Variants in GATAD2B observed in about 807,000 individuals in gnomAD.
GATAD2B encodes the protein transcriptional repressor p66-beta.
GATAD2B carries 8 observed loss-of-function variants against 64.3 expected under a neutral mutation model. That is an observed-to-expected ratio of 0.12 (90% confidence interval 0.07 to 0.22). GATAD2B has a LOEUF of 0.22. Among genes scored for constraint, GATAD2B ranks in the 10% least tolerant of loss-of-function variants. The pLI is 1.00. For synonymous variants in GATAD2B, 281 were observed against 271.3 expected (o/e 1.04, Z -0.35); for missense variants, 453 against 752.0 (o/e 0.60, Z 4.65).
chr1:153,832,325 C>T (rs1675107422), intron 1 of GATAD2B, among the ~76,000 whole-genome samples: 2 of 152,234 alleles, frequency 1.3e-5, no homozygotes, highest in South Asian at 2.1e-4. Flanking sequence ...AAAGGCCTTA[C>T]TGGCAATATG....
intron 1 of GATAD2B, among the ~76,000 whole-genome samples, chr1:153,856,993 C>A (rs942521064): frequency 2.7e-4 from 41 of 152,072 alleles, no homozygotes; most frequent in African/African-American, 9.2e-4. Flanking sequence ...TTATGTTAAT[C>A]ATCACAGCCC....
At chr1:153,850,480 A>G (rs980764452) in intron 1 of GATAD2B, among the ~76,000 whole-genome samples, 14 of 152,018 alleles carry the variant, frequency 9.2e-5, no homozygotes, top group Non-Finnish European at 1.9e-4. Context: ...TTGTATTTTC[A>G]GTAGAGACCA....
chr1:153,812,014 T>A lies in GATAD2B; in HGVS notation c.1530+8A>T. ...AAAGAAATCAGGATCAGGCAAAAAGTTCCTTACCTGCCGAAGCGTATGATG... is the reference window on the plus strand; with the variant it reads ...AAAGAAATCAGGATCAGGCAAAAAGATCCTTACCTGCCGAAGCGTATGATG... On this transcript the variant is annotated splice_region_variant and intron_variant, in intron 9 of 10. Coordinates refer to ENST00000368655, the MANE Select transcript of GATAD2B (RefSeq NM_020699.4). 2 of 1,549,542 alleles carry A rather than the reference T, an allele frequency of 1.3e-6. No individual in the cohort carries two copies. Among genetic ancestry groups the A allele is most frequent in the Non-Finnish European group, 1.8e-6 (2 of 1,122,424 alleles).
chr1:153,808,062 A>T lies in GATAD2B; in HGVS notation c.*2115T>A, dbSNP rs942714419. The stretch of plus-strand genomic sequence containing the variant: ...AGAAAAGATGTAAGAATATATCTTT[A>T]TATATATATATATAATTTTAAAATA... On this transcript the variant is annotated 3_prime_UTR_variant, in exon 11 of 11. Coordinates refer to ENST00000368655, the MANE Select transcript of GATAD2B (RefSeq NM_020699.4). The T allele has an allele frequency of 6.6e-6, 1 of 150,884 alleles. No homozygotes were observed. The highest frequency in any genetic ancestry group is 2.4e-5 in the African/African-American group (1 of 41,148). 9.3% of individuals were successfully genotyped at this position (150,884 alleles called of 1,614,324 possible).
chr1:153,828,827 T>A (rs1253859601), intron 1 of GATAD2B, among the ~76,000 whole-genome samples: 1 of 152,204 alleles, frequency 6.6e-6, no homozygotes, highest in Non-Finnish European at 1.5e-5. Context: ...ACTATTTTTT[T>A]CTTTACTCAT....
At position 153,817,558 on chromosome 1, in the gene GATAD2B, A is replaced by T; in HGVS notation, c.730-16T>A. 6.4e-7 allele frequency: 1 copy of T among 1,569,510 alleles called. No individual in the cohort carries two copies. Reference sequence around the variant, plus strand: ...CACTGTGACCCTGGAGGGGAAGAAGAGGAAAAGAACTAATCACAGGTTGTA... The same window carrying T: ...CACTGTGACCCTGGAGGGGAAGAAGTGGAAAAGAACTAATCACAGGTTGTA... On this transcript the variant is annotated splice_polypyrimidine_tract_variant and intron_variant, in intron 5 of 10. Coordinates refer to ENST00000368655, the MANE Select transcript of GATAD2B (RefSeq NM_020699.4).
intron 2 of GATAD2B, among the ~76,000 whole-genome samples, chr1:153,822,974 G>C (rs1335299614): frequency 6.6e-6 from 1 of 151,972 alleles, no homozygotes; most frequent in Non-Finnish European, 1.5e-5. Context: ...TTGTAGAGAA[G>C]GGGTCTCCTT....
At chr1:153,892,375 T>C (rs1199224035) in intron 1 of GATAD2B, among the ~76,000 whole-genome samples, 1 of 151,882 alleles carries the variant, frequency 6.6e-6, no homozygotes, top group Non-Finnish European at 1.5e-5. Context: ...TGACCAAATA[T>C]TAAACATACT....
chr1:153,819,266 A>C (rs976043614), intron 3 of GATAD2B, among the ~76,000 whole-genome samples: 5 of 152,276 alleles, frequency 3.3e-5, no homozygotes, highest in Non-Finnish European at 7.3e-5. Context: ...AAAACTTAGG[A>C]ATCCCTTCAT....
At chr1:153,851,082 C>T (rs896295002) in intron 1 of GATAD2B, among the ~76,000 whole-genome samples, 32 of 152,190 alleles carry the variant, frequency 2.1e-4, no homozygotes, top group African/African-American at 7.7e-4. Context: ...ATTAATTTTA[C>T]ATACATTGTT....
intron 1 of GATAD2B, among the ~76,000 whole-genome samples, chr1:153,868,505 TAGG>T (rs1676552430): frequency 6.6e-6 from 1 of 151,916 alleles, no homozygotes; most frequent in South Asian, 2.1e-4. Context: ...CACAGGAAGG[TAGG>T]AGTTCTTTTT....
At chr1:153,911,443 A>G (rs1403093455) in intron 1 of GATAD2B, among the ~76,000 whole-genome samples, 1 of 152,202 alleles carries the variant, frequency 6.6e-6, no homozygotes, top group Non-Finnish European at 1.5e-5. Flanking sequence ...TTAAAAATGC[A>G]CAACTTCCGG....
chr1:153,919,788 TG>T (rs1678373380), intron 1 of GATAD2B, among the ~76,000 whole-genome samples: 1 of 152,222 alleles, frequency 6.6e-6, no homozygotes, highest in African/African-American at 2.4e-5. Flanking sequence ...ACAGTCAATC[TG>T]GGTGTGTGTC....
chr1:153,843,399 AC>A (rs1388400625), intron 1 of GATAD2B, among the ~76,000 whole-genome samples: 1 of 151,576 alleles, frequency 6.6e-6, no homozygotes, highest in East Asian at 1.9e-4. Context: ...GCCTCATTGC[AC>A]CCTCCTACCT....
intron 1 of GATAD2B, among the ~76,000 whole-genome samples, chr1:153,892,853 C>A (rs1677461787): frequency 6.6e-6 from 1 of 151,894 alleles, no homozygotes; most frequent in African/African-American, 2.4e-5. Flanking sequence ...TGCCACCACG[C>A]CTGGCTAATT....
chr1:153,826,002 CTGACT>C (rs1210366401), intron 2 of GATAD2B, among the ~76,000 whole-genome samples: 1 of 119,040 alleles, frequency 8.4e-6, no homozygotes, highest in Admixed American at 1.0e-4. Context: ...TATTTATAAA[CTGACT>C]TTTTTTTTTT....
At chr1:153,818,269 C>T (rs1674552299) in intron 4 of GATAD2B, 98 bp from the exon 5 acceptor site, 33 of 941,786 alleles carry the variant, frequency 3.5e-5, no homozygotes, top group South Asian at 2.7e-4. Flanking sequence ...GTGTGAGGTT[C>T]TTGTCAATCA....
chr1:153,891,596 A>AAC (rs1421530049), intron 1 of GATAD2B, among the ~76,000 whole-genome samples: 12 of 128,196 alleles, frequency 9.4e-5, no homozygotes, highest in African/African-American at 3.4e-4. Flanking sequence ...AAAAAAAAAA[A>AAC]AAGAGGTGGG....
Position 153,893,623 on chromosome 1 carries a change from A to C in GATAD2B, c.-2+29110T>G, listed in dbSNP as rs376388037. On this transcript the variant is annotated intron_variant, in intron 1 of 10. Transcript: ENST00000368655. ...AGACTCTGTCTCAAAAAAAAAAATA[A>C]AATAAGTTTACCCCTTCCCCTAAGT... Among the ~76,000 whole-genome samples, 7 of 151,716 alleles carry C rather than the reference A, an allele frequency of 4.6e-5. No individual in the cohort carries two copies. The East Asian group carries it at 1.2e-3, about 25-fold the overall frequency.
Sources: allele counts gnomAD v4.1 joint callset (sites outside exome capture counted in the v4.1 genomes callset), GRCh38; gene constraint gnomAD v4.1.1; transcripts MANE v1.5; gene names NCBI Gene and HGNC (gene_info 2026-07-23, HGNC 2026-07-21).